Variants in LIMS1 observed in about 807,000 individuals in gnomAD.
LIMS1 encodes the protein LIM zinc finger domain containing 1.
A neutral mutation model predicts 44.1 loss-of-function variants in LIMS1; 18 were observed. The ratio of observed to expected loss-of-function variants is 0.41; its 90% CI spans 0.28 to 0.61. LIMS1 has a LOEUF of 0.61. LIMS1 is among the 20% of genes least tolerant of loss of function. The probability of loss-of-function intolerance (pLI) is 0.32; values close to 1 mark genes in which losing one functional copy is unlikely to be tolerated. For missense variants in LIMS1, 201 were observed against 422.0 expected, an observed-to-expected ratio of 0.48 and a Z score of 4.59; for synonymous variants, 93 against 149.1, an observed-to-expected ratio of 0.62 and a Z score of 2.74.
chr2:108,674,629 G>C (rs943294794), intron 5 of LIMS1, among the ~76,000 whole-genome samples: 3 of 144,884 alleles, frequency 2.1e-5, no homozygotes, highest in African/African-American at 7.7e-5. Flanking sequence ...GCTGAGGCAG[G>C]AGAATGGCAT....
intron 1 of LIMS1, among the ~76,000 whole-genome samples, chr2:108,546,101 T>A (rs1397185217): frequency 6.6e-6 from 1 of 152,198 alleles, no homozygotes; most frequent in African/African-American, 2.4e-5. Context: ...TATATCACTT[T>A]AGTATAATAC....
intron 1 of LIMS1, among the ~76,000 whole-genome samples, chr2:108,549,275 G>GTTTTTTTTTTTTTTTTTTTTTT (rs1558782542): frequency 1.2e-5 from 1 of 86,494 alleles, no homozygotes. Context: ...CAAGTAAAGT[G>GTTTTTTTTTTTTTTTTTTTTTT]TTTCTTTTTT....
intron 1 of LIMS1, among the ~76,000 whole-genome samples, chr2:108,556,424 T>C (rs182922192): frequency 1.3e-5 from 2 of 152,336 alleles, no homozygotes; most frequent in African/African-American, 4.8e-5. Context: ...TGAGCACTGG[T>C]GTACAAATAT....
At chr2:108,682,343 CA>C (rs1280807393) in intron 9 of LIMS1, among the ~76,000 whole-genome samples, 1 of 151,360 alleles carries the variant, frequency 6.6e-6, no homozygotes, top group South Asian at 2.1e-4. Flanking sequence ...ACTAAAAATA[CA>C]AAAAAATTAG....
intron 1 of LIMS1, among the ~76,000 whole-genome samples, chr2:108,555,841 A>G (rs868131220): frequency 2.6e-5 from 4 of 152,360 alleles, no homozygotes; most frequent in Middle Eastern, 3.4e-3. Context: ...GTGCTGGTCC[A>G]TGCTTTGCTC....
At chr2:108,635,834 G>A (rs539508970) in intron 1 of LIMS1, among the ~76,000 whole-genome samples, 7 of 152,194 alleles carry the variant, frequency 4.6e-5, no homozygotes, top group South Asian at 2.1e-4. Flanking sequence ...TGTTTAAATC[G>A]TCTGTTCCTA....
intron 8 of LIMS1, among the ~76,000 whole-genome samples, chr2:108,679,742 C>A (rs1692822517): frequency 7.4e-6 from 1 of 135,816 alleles, no homozygotes; most frequent in South Asian, 2.6e-4. Context: ...CAGAGCAAGA[C>A]CTCCATCTCT....
At chr2:108,561,385 C>G (rs1044375972) in intron 1 of LIMS1, among the ~76,000 whole-genome samples, 1 of 152,016 alleles carries the variant, frequency 6.6e-6, no homozygotes, top group Admixed American at 6.6e-5. Context: ...GATAAGAAAC[C>G]CGAGGTTTAG....
intron 1 of LIMS1, among the ~76,000 whole-genome samples, chr2:108,628,041 G>A (rs986901302): frequency 1.1e-4 from 16 of 152,226 alleles, no homozygotes; most frequent in Non-Finnish European, 2.2e-4. Flanking sequence ...GAAGGGAGAT[G>A]CTTCCTTTCC....
intron 1 of LIMS1, among the ~76,000 whole-genome samples, chr2:108,597,565 G>T (rs1686773599): frequency 6.6e-6 from 1 of 152,116 alleles, no homozygotes; most frequent in African/African-American, 2.4e-5. Context: ...GTGCTTGCTT[G>T]TACGTATGTC....
At chr2:108,661,694 G>A (rs1691383557) in intron 2 of LIMS1, among the ~76,000 whole-genome samples, 2 of 152,162 alleles carry the variant, frequency 1.3e-5, no homozygotes, top group Non-Finnish European at 2.9e-5. Context: ...GGTAGTGGTG[G>A]TGAGCCATGA....
At chr2:108,570,020 A>G (rs185933341) in intron 1 of LIMS1, among the ~76,000 whole-genome samples, 76 of 152,302 alleles carry the variant, frequency 5.0e-4, no homozygotes, top group Non-Finnish European at 9.1e-4. Context: ...GGAGAAAAGT[A>G]TACAAAAATC....
chr2:108,570,848 C>T (rs990884424), intron 1 of LIMS1, among the ~76,000 whole-genome samples: 3 of 152,182 alleles, frequency 2.0e-5, no homozygotes, highest in East Asian at 3.8e-4. Context: ...AGGCCAAGAC[C>T]GCTCCTCCAT....
At chr2:108,618,581 C>A (rs1426178073) in intron 1 of LIMS1, among the ~76,000 whole-genome samples, 1 of 152,024 alleles carries the variant, frequency 6.6e-6, no homozygotes, top group Non-Finnish European at 1.5e-5. Context: ...AATCCCAGCC[C>A]GTTGGGAGGC....
At chr2:108,629,974 C>T (rs1688803819) in intron 1 of LIMS1, among the ~76,000 whole-genome samples, 1 of 152,150 alleles carries the variant, frequency 6.6e-6, no homozygotes, top group South Asian at 2.1e-4. Flanking sequence ...GGGTGGATCA[C>T]TTGAGTCCAG....
chr2:108,536,903 A>G (rs572904112), intron 1 of LIMS1, among the ~76,000 whole-genome samples: 1 of 152,278 alleles, frequency 6.6e-6, no homozygotes, highest in African/African-American at 2.4e-5. Context: ...GTTTTATGTG[A>G]ATGTAACTTT....
rs1361348480 is a variant in LIMS1 at position 108,559,809 on chromosome 2, C to CACT, written c.32+25216_32+25217insCTA. Among the ~76,000 whole-genome samples, 3 of 152,110 alleles carry CACT rather than the reference C, an allele frequency of 2.0e-5. No homozygotes were observed. The East Asian group carries it at 5.8e-4, about 29-fold the overall frequency. On this transcript the variant is annotated intron_variant, in intron 1 of 9. Transcript: ENST00000544547. ...GTGAGTTGATCAACATTTAAACTGGCAAACAATTATAAACTGGTTTGACAC... is the reference window on the plus strand; with the variant it reads ...GTGAGTTGATCAACATTTAAACTGGCACTAAACAATTATAAACTGGTTTGACAC...
intron 1 of LIMS1, among the ~76,000 whole-genome samples, chr2:108,540,389 G>A (rs968653447): frequency 6.6e-6 from 1 of 151,890 alleles, no homozygotes; most frequent in African/African-American, 2.4e-5. Context: ...TAGTAAAGAC[G>A]GAGTTTCACC....
At chr2:108,652,660 G>A (rs1338452161) in intron 1 of LIMS1, among the ~76,000 whole-genome samples, 7 of 152,168 alleles carry the variant, frequency 4.6e-5, no homozygotes, top group African/African-American at 1.4e-4. Flanking sequence ...ACAGACACCC[G>A]CACACATGCA....
Sources: gnomAD v4.1 joint callset for allele counts (sites outside exome capture counted in the v4.1 genomes callset) on GRCh38, gnomAD v4.1.1 for gene constraint, MANE v1.5 for transcripts, NCBI Gene and HGNC (gene_info 2026-07-23, HGNC 2026-07-21) for gene names.